Variants in ALG8 observed in about 807,000 individuals in gnomAD.
ALG8 encodes the protein ALG8 alpha-1,3-glucosyltransferase.
A neutral mutation model predicts 70.2 loss-of-function variants in ALG8; 48 were observed. That is an observed-to-expected ratio of 0.68 (90% confidence interval 0.54 to 0.87). ALG8 has a LOEUF of 0.87. ALG8 is among the 40% of genes least tolerant of loss of function. ALG8 has a pLI of 0.00. For synonymous variants in ALG8, 234 were observed against 229.0 expected (o/e 1.02, Z -0.20); for missense variants, 572 against 608.7 (o/e 0.94, Z 0.64).
chr11:78,133,599 T>C (rs1024898699), intron 1 of ALG8: 14 of 152,122 alleles, frequency 9.2e-5, no homozygotes, highest in African/African-American at 3.4e-4. Flanking sequence ...TCCCAGAGCA[T>C]GTAAAAGTTA....
At chr11:78,129,012 G>A (rs75377968) in intron 1 of ALG8, among the ~76,000 whole-genome samples, 33,023 of 151,908 alleles carry the variant, frequency 0.22, 4,406 homozygotes, top group African/African-American at 0.38. Context: ...ATTTCCTACA[G>A]ATATTTCAAA....
intron 5 of ALG8, among the ~76,000 whole-genome samples, chr11:78,116,856 C>T (rs560153564): frequency 1.3e-5 from 2 of 152,118 alleles, no homozygotes; most frequent in Non-Finnish European, 2.9e-5. Context: ...TCATCAGGTG[C>T]GGTCTAGAAT....
chr11:78,103,852 C>T (rs1859904949), intron 12 of ALG8, 128 bp downstream of exon 12: 1 of 546,940 alleles, frequency 1.8e-6, no homozygotes, highest in Non-Finnish European at 3.3e-6. Flanking sequence ...CCTCTATTTA[C>T]CAATTTTTTT....
chr11:78,130,896 A>C (rs1426287511), intron 1 of ALG8, among the ~76,000 whole-genome samples: 1 of 152,050 alleles, frequency 6.6e-6, no homozygotes, highest in Non-Finnish European at 1.5e-5. Flanking sequence ...ATATTTTTGA[A>C]AGATTTACTC....
At position 78,121,081 on chromosome 11, in the gene ALG8, C is replaced by A; in HGVS notation, c.462G>T (p.Gly154=). The part of the protein sequence containing the change: ...ILSVLLLWNF[G]LLIVDHIHFQ... ...CAAGGATACGGTCCACAATTAATAA[C>A]CCGAAGTTCCACAGAAGTAATACCG... Residue 154 remains glycine, a synonymous_variant, in exon 4 of 13, where the codon GGG becomes GGT. Transcript: ENST00000299626. 3 of 1,613,522 alleles carry A rather than the reference C, an allele frequency of 1.9e-6. No homozygotes were observed. Among genetic ancestry groups the A allele is most frequent in the Non-Finnish European group, 1.7e-6 (2 of 1,179,686 alleles).
chr11:78,137,758 A>G (rs570997345), intron 1 of ALG8: 71 of 152,358 alleles, frequency 4.7e-4, no homozygotes, highest in Admixed American at 1.4e-3. Context: ...TAGTAGTATC[A>G]AAGATCACTG....
chr11:78,133,675 C>A (rs111795904), intron 1 of ALG8, among the ~76,000 whole-genome samples: 2 of 152,012 alleles, frequency 1.3e-5, no homozygotes, highest in Non-Finnish European at 2.9e-5. Flanking sequence ...CCGAGGCGGG[C>A]GGATCACGAG....
chr11:78,129,935 G>A (rs1451093757), intron 1 of ALG8, among the ~76,000 whole-genome samples: 1 of 152,112 alleles, frequency 6.6e-6, no homozygotes, highest in Non-Finnish European at 1.5e-5. Flanking sequence ...CAAACTTAAT[G>A]TTGAGTGAAA....
At chr11:78,104,945 CAGAGCGAGACTCTGTCTCAAA>C (rs1271127312) in intron 10 of ALG8, among the ~76,000 whole-genome samples, 1 of 148,324 alleles carries the variant, frequency 6.7e-6, no homozygotes, top group Non-Finnish European at 1.5e-5. Flanking sequence ...GCCTGGGCAA[CAGAGCGAGACTCTGTCTCAAA>C]AAAAAAAAAA....
chr11:78,124,967 C>T (rs672159), intron 2 of ALG8, among the ~76,000 whole-genome samples: 130,229 of 151,966 alleles, frequency 0.86, 56,115 homozygotes, highest in African/African-American at 0.93. Context: ...TAAATGAAAA[C>T]AGAAATCATA....
chr11:78,132,132 G>A (rs900370863), intron 1 of ALG8, among the ~76,000 whole-genome samples: 4 of 152,148 alleles, frequency 2.6e-5, no homozygotes, highest in Admixed American at 6.5e-5. Context: ...CACCAGTGGC[G>A]TAGAGAAGCA....
chr11:78,131,000 T>C (rs1861286918), intron 1 of ALG8, among the ~76,000 whole-genome samples: 4 of 152,208 alleles, frequency 2.6e-5, no homozygotes, highest in Admixed American at 2.6e-4. Flanking sequence ...TTTATAGACA[T>C]GTCTTTTTTA....
At chr11:78,136,835 T>A (rs1861574044) in intron 1 of ALG8, among the ~76,000 whole-genome samples, 1 of 152,208 alleles carries the variant, frequency 6.6e-6, no homozygotes, top group Non-Finnish European at 1.5e-5. Flanking sequence ...CTAGAAAACT[T>A]ACTGCAGCTT....
chr11:78,129,955 A>C (rs1398413253), intron 1 of ALG8, among the ~76,000 whole-genome samples: 1 of 152,192 alleles, frequency 6.6e-6, no homozygotes, highest in Non-Finnish European at 1.5e-5. Context: ...AGCCAGACCC[A>C]AGAGAATAGA....
intron 9 of ALG8, 116 bp downstream of exon 9, chr11:78,109,326 T>C (rs1445098379): frequency 4.4e-6 from 6 of 1,372,488 alleles, no homozygotes; most frequent in Non-Finnish European, 6.2e-6. Flanking sequence ...GCAGAAGGAT[T>C]ACAGGCATGA....
At position 78,112,886 on chromosome 11, in the gene ALG8, T is replaced by C. The variant is rs998746982; in HGVS notation, c.778-116A>G. The C allele has an allele frequency of 9.2e-6, 12 of 1,307,938 alleles. No individual in the cohort carries two copies. In the African/African-American group the frequency reaches 1.8e-4, roughly 19 times the overall value. The allele number at this position is 1,307,938 out of a possible 1,614,324, so 81.0% of individuals were successfully genotyped here. The stretch of plus-strand genomic sequence containing the variant: ...GTAGAAAGTTATGGGGTCTGGGTTC[T>C]AGTAAGTAAGTGGTTATATGCTCAC... On this transcript the variant is annotated intron_variant, in intron 7 of 12. Transcript: ENST00000299626.
At position 78,121,071 on chromosome 11, in the gene ALG8, C is replaced by A; in HGVS notation, c.472G>T (p.Val158Leu). 6.2e-7 allele frequency: 1 copy of A among 1,612,686 alleles called. No individual in the cohort carries two copies. The stretch of plus-strand genomic sequence containing the variant: ...CATAGAATATCAAGGATACGGTCCA[C>A]AATTAATAACCCGAAGTTCCACAGA... Reference protein sequence around the residue: ...LLLWNFGLLIVDHIHFQYNGF... With the variant: ...LLLWNFGLLILDHIHFQYNGF... Residue 158 changes from valine to leucine, a missense_variant, in exon 4 of 13, where the codon GTG becomes TTG. Val to Leu is a conservative substitution (Grantham distance 32). Transcript: ENST00000299626.
intron 1 of ALG8, chr11:78,135,095 TATA>T (rs1428472209): frequency 6.6e-6 from 1 of 152,308 alleles, no homozygotes; most frequent in Non-Finnish European, 1.5e-5. Context: ...GGCTCACGCC[TATA>T]ATCCTAGCAC....
chr11:78,112,289 A>AG (rs750243334), intron 8 of ALG8: 22 of 321,964 alleles, frequency 6.8e-5, no homozygotes, highest in South Asian at 3.9e-4. Flanking sequence ...AAAAATAAGT[A>AG]GGGGTTTGAA....
Sources: allele counts gnomAD v4.1 joint callset (sites outside exome capture counted in the v4.1 genomes callset), GRCh38; gene constraint gnomAD v4.1.1; transcripts MANE v1.5; gene names NCBI Gene and HGNC (gene_info 2026-07-23, HGNC 2026-07-21).